Variants in UBE2B observed in about 807,000 individuals in gnomAD.
UBE2B encodes ubiquitin conjugating enzyme E2 B, also known as ubiquitin-conjugating enzyme E2 B.
Under a neutral mutation model 24.6 loss-of-function variants are expected in UBE2B, and 11 were observed. That is an observed-to-expected ratio of 0.45 (90% CI 0.28 to 0.74). The LOEUF is 0.74. Among genes scored for constraint, UBE2B ranks in the 30% least tolerant of loss-of-function variants. UBE2B has a pLI of 0.13. For missense variants in UBE2B, 78 were observed against 185.6 expected, an observed-to-expected ratio of 0.42 and a Z score of 3.37; for synonymous variants, 68 against 62.4, an observed-to-expected ratio of 1.09 and a Z score of -0.42.
intron 3 of UBE2B, among the ~76,000 whole-genome samples, chr5:134,380,331 C>A (rs1401442364): frequency 6.6e-6 from 1 of 152,244 alleles, no homozygotes; most frequent in African/African-American, 2.4e-5. Flanking sequence ...CAACCTCCAC[C>A]TCCTGGGAGG....
intron 5 of UBE2B, among the ~76,000 whole-genome samples, chr5:134,389,551 C>CTTTT (rs985767264): frequency 7.2e-6 from 1 of 139,474 alleles, no homozygotes; most frequent in Non-Finnish European, 1.6e-5. Context: ...TTTCTTTTTT[C>CTTTT]TTTTTTTTTT....
rs896315396 is a variant in UBE2B at position 134,382,644 on chromosome 5, C to T, written c.241+1836C>T. Among the ~76,000 whole-genome samples the T allele has an allele frequency of 5.3e-5, 8 of 151,666 alleles. No homozygotes were observed. The East Asian group carries it at 1.5e-3, about 29-fold the overall frequency. The stretch of plus-strand genomic sequence containing the variant: ...CAAAAATTAGCTGGGCACAGTGGTG[C>T]GTACCTGTATTCCCAGCTACTAGGG... On this transcript the variant is annotated intron_variant, in intron 4 of 5. Transcript: ENST00000265339.
chr5:134,389,258 A>G (rs1264327809), intron 5 of UBE2B, among the ~76,000 whole-genome samples: 3 of 151,986 alleles, frequency 2.0e-5, no homozygotes, highest in African/African-American at 7.2e-5. Context: ...AGTTCTGGTC[A>G]TCTTACAAGC....
Position 134,390,176 on chromosome 5 carries a change from G to C in UBE2B, c.331-49G>C, listed in dbSNP as rs1477130048. On this transcript the variant is annotated intron_variant, in intron 5 of 5. Transcript: ENST00000265339. The surrounding 1 kb of genome is among the most constrained non-coding windows in gnomAD (Gnocchi z 4.6). Reference sequence around the variant, plus strand: ...TATATTCCATATCTGACCCCTGTTGGTATAAAGAACAACTATGCAAATCTG... The same window carrying C: ...TATATTCCATATCTGACCCCTGTTGCTATAAAGAACAACTATGCAAATCTG... 9.9e-6 allele frequency: 16 copies of C among 1,609,724 alleles called. No homozygotes were observed. The highest frequency in any genetic ancestry group is 1.2e-5 in the Non-Finnish European group (14 of 1,178,302).
At position 134,388,419 on chromosome 5, in the gene UBE2B, T is replaced by C; in HGVS notation, c.330+6T>C. On this transcript the variant is annotated splice_donor_region_variant and intron_variant, in intron 5 of 5. Transcript: ENST00000265339. ...CTATCTTAACATCAATTCAGGTAAG[T>C]GTGTGTTAGGATGTATTATAATTTG... The C allele has an allele frequency of 1.2e-6, 2 of 1,612,194 alleles. No homozygotes were observed. The highest frequency in any genetic ancestry group is 1.7e-6 in the Non-Finnish European group (2 of 1,178,232).
At chr5:134,376,498 C>A (rs1048065511) in intron 2 of UBE2B, among the ~76,000 whole-genome samples, 171 bp from the exon 3 acceptor site, 2 of 150,058 alleles carry the variant, frequency 1.3e-5, no homozygotes, top group Non-Finnish European at 3.0e-5. Context: ...TACTTTATGC[C>A]TGGGTCTATG....
At chr5:134,376,336 A>AT (rs1412262320) in intron 2 of UBE2B, among the ~76,000 whole-genome samples, 4 of 4,112 alleles carry the variant, frequency 9.7e-4, no homozygotes, top group East Asian at 4.5e-3. Context: ...AAAAAAAAAA[A>AT]AAAAAAAAAA....
rs1169448882 is a variant in UBE2B, at chr5:134,374,495, T to C, written c.125+32T>C. 5.8e-6 allele frequency: 9 copies of C among 1,547,094 alleles called. No homozygotes were observed. In the South Asian group the frequency reaches 1.1e-4, roughly 18 times the overall value. On this transcript the variant is annotated intron_variant, in intron 2 of 5. Coordinates refer to ENST00000265339, the MANE Select transcript of UBE2B (RefSeq NM_003337.4). ...TGAAAGGTTTAACAAATAATAGGTG[T>C]GTGCTGAATCTTTAAGAAAAGTAAA...
intron 1 of UBE2B, 73 bp downstream of exon 1, chr5:134,371,712 C>A (rs949488657): frequency 6.2e-6 from 10 of 1,601,274 alleles, no homozygotes; most frequent in South Asian, 1.1e-5. Flanking sequence ...ATCCCAGACA[C>A]CTTCCCCTTT....
At chr5:134,389,522 A>ATT (rs966394095) in intron 5 of UBE2B, among the ~76,000 whole-genome samples, 5 of 151,606 alleles carry the variant, frequency 3.3e-5, no homozygotes, top group African/African-American at 1.2e-4. Context: ...TTTCTTTCAA[A>ATT]TTATAGGTAT....
chr5:134,375,005 A>G (rs969858043), intron 2 of UBE2B, among the ~76,000 whole-genome samples: 3 of 152,158 alleles, frequency 2.0e-5, no homozygotes, highest in African/African-American at 7.2e-5. Flanking sequence ...CTTTGATGTT[A>G]TTACATATGG....
intron 4 of UBE2B, among the ~76,000 whole-genome samples, chr5:134,382,826 G>T (rs1283080475): frequency 6.0e-5 from 9 of 150,668 alleles, no homozygotes; most frequent in African/African-American, 2.2e-4. Context: ...TGTTTTTTTT[G>T]GTTTGTTTGT....
chr5:134,390,505 G>T lies in UBE2B; in HGVS notation c.*152G>T. 1.2e-6 allele frequency: 1 copy of T among 848,916 alleles called. No homozygotes were observed. Among genetic ancestry groups the T allele is most frequent in the Non-Finnish European group, 1.8e-6 (1 of 552,736 alleles). 52.6% of individuals were successfully genotyped at this position (848,916 alleles called of 1,614,324 possible). A position where few individuals can be genotyped will look rare whatever the true frequency, so the allele number is the denominator to read the frequency against. Reference sequence around the variant, plus strand: ...CAGTTTAGAACCTACAAAAGCTTGTGTATCTTGATTAATGTACTTTTTATT... The same window carrying T: ...CAGTTTAGAACCTACAAAAGCTTGTTTATCTTGATTAATGTACTTTTTATT... On this transcript the variant is annotated 3_prime_UTR_variant, in exon 6 of 6. Coordinates refer to ENST00000265339, the MANE Select transcript of UBE2B (RefSeq NM_003337.4). The surrounding 1 kb of genome is among the most constrained non-coding windows in gnomAD (Gnocchi z 4.6).
chr5:134,374,269 G>T, intron 1 of UBE2B, 114 bp from the exon 2 acceptor site: 1 of 937,370 alleles, frequency 1.1e-6, no homozygotes, highest in Non-Finnish European at 1.7e-6. Context: ...CAATAACAAG[G>T]AAATGGAGTT....
At chr5:134,378,950 T>TG (rs2149691422) in intron 3 of UBE2B, among the ~76,000 whole-genome samples, 1 of 140,922 alleles carries the variant, frequency 7.1e-6, no homozygotes, top group South Asian at 2.3e-4. Flanking sequence ...AAAAAAACAG[T>TG]GGGGGGATCT....
intron 4 of UBE2B, among the ~76,000 whole-genome samples, chr5:134,384,749 A>G (rs11242214): frequency 0.15 from 23,344 of 152,100 alleles, 2,289 homozygotes; most frequent in African/African-American, 0.28. Context: ...AAATTGTACA[A>G]CTCAAATGGT....
chr5:134,387,151 G>A (rs1238301776), intron 4 of UBE2B, among the ~76,000 whole-genome samples: 1 of 151,872 alleles, frequency 6.6e-6, no homozygotes, highest in Non-Finnish European at 1.5e-5. Context: ...GTAGAGACAG[G>A]GTTTCACCAT....
intron 2 of UBE2B, 97 bp downstream of exon 2, chr5:134,374,560 GA>G (rs1445873696): frequency 7.6e-7 from 1 of 1,320,116 alleles, no homozygotes; most frequent in Non-Finnish European, 1.1e-6. Flanking sequence ...GAGGTGGAAT[GA>G]GAGATCTTAA....
At chr5:134,387,103 G>A (rs328038) in intron 4 of UBE2B, among the ~76,000 whole-genome samples, 1,898 of 152,018 alleles carry the variant, frequency 0.012, 18 homozygotes, top group Middle Eastern at 0.021. Flanking sequence ...GGGACTACAC[G>A]CATGCACTAC....
Sources: gnomAD v4.1 joint callset for allele counts (sites outside exome capture counted in the v4.1 genomes callset) on GRCh38, gnomAD v4.1.1 for gene constraint, Gnocchi (gnomAD v3.1) non-coding constraint, MANE v1.5 for transcripts, NCBI Gene and HGNC (gene_info 2026-07-23, HGNC 2026-07-21) for gene names.